Variants in RFC3 observed in about 807,000 individuals in gnomAD.
RFC3 encodes A1 38 kDa subunit.
RFC3 carries 41 observed loss-of-function variants against 45.1 expected under a neutral mutation model. The observed-to-expected ratio is 0.91, with a 90% confidence interval of 0.71 to 1.18. The LOEUF (loss-of-function observed/expected upper bound fraction) is 1.18, where lower values mean the gene tolerates loss of function less well. Ranked by LOEUF, RFC3 falls within the 50% of genes most tolerant of loss-of-function variation. The pLI, the probability that RFC3 is intolerant of heterozygous loss-of-function variation, is 0.00. For missense variants in RFC3, 423 were observed against 428.1 expected, an observed-to-expected ratio of 0.99 and a Z score of 0.10; for synonymous variants, 149 against 144.0, an observed-to-expected ratio of 1.03 and a Z score of -0.25.
intron 8 of RFC3, among the ~76,000 whole-genome samples, chr13:33,871,045 T>C (rs1324927045): frequency 2.0e-5 from 3 of 152,172 alleles, no homozygotes; most frequent in Non-Finnish European, 4.4e-5. Flanking sequence ...CCCTCTGGTA[T>C]ATGGTAAATC....
At chr13:33,925,875 A>G (rs1241898615) in intron 8 of RFC3, among the ~76,000 whole-genome samples, 2 of 151,998 alleles carry the variant, frequency 1.3e-5, no homozygotes, top group Non-Finnish European at 2.9e-5. Flanking sequence ...ACATTGTTGT[A>G]TCAATATCAA....
chr13:33,976,716 A>G, the RFC3 span, among the ~76,000 whole-genome samples: 2 of 152,298 alleles, frequency 1.3e-5, no homozygotes, highest in Admixed American at 6.5e-5. Flanking sequence ...AAATAAGGTT[A>G]GAAAAATAAA....
At chr13:33,881,804 C>T (rs575902099) in intron 8 of RFC3, among the ~76,000 whole-genome samples, 4 of 152,242 alleles carry the variant, frequency 2.6e-5, no homozygotes, top group Admixed American at 2.0e-4. Flanking sequence ...TGTTTACCTC[C>T]TGACCTTGAA....
chr13:33,938,553 C>G (rs2082903072), intron 8 of RFC3, among the ~76,000 whole-genome samples: 1 of 152,074 alleles, frequency 6.6e-6, no homozygotes, highest in African/African-American at 2.4e-5. Flanking sequence ...GAAACTTATA[C>G]AAGTGGAATC....
chr13:33,955,614 A>G (rs1480726713), intron 8 of RFC3, among the ~76,000 whole-genome samples: 1 of 152,216 alleles, frequency 6.6e-6, no homozygotes, highest in Non-Finnish European at 1.5e-5. Flanking sequence ...AGTGTTGTCC[A>G]GTAAGTTTTA....
Position 33,932,254 on chromosome 13 carries a change from A to G in RFC3, c.880-33833A>G, listed in dbSNP as rs565799666. 9.2e-5 allele frequency among the ~76,000 whole-genome samples: 14 copies of G among 152,220 alleles called. No individual in the cohort carries two copies. The East Asian group carries it at 2.5e-3, about 27-fold the overall frequency. ...CATTTTAATCTGCTGTAGAGAAATT[A>G]TTCCTTAATGCCATTAAAAAAGTTA... On this transcript the variant is annotated intron_variant, in intron 8 of 8. Transcript: ENST00000434425.
chr13:33,974,553 T>C, the RFC3 span, among the ~76,000 whole-genome samples: 1 of 152,216 alleles, frequency 6.6e-6, no homozygotes. Context: ...TTGCTAACTT[T>C]ACAAAATGAG....
At chr13:33,847,651 A>G (rs2082247929) in intron 8 of RFC3, 1 of 151,198 alleles carries the variant, frequency 6.6e-6, no homozygotes. Flanking sequence ...CTCTTTACAC[A>G]TTTTTTAAGT....
At chr13:33,963,459 A>G (rs2083069571) in intron 8 of RFC3, among the ~76,000 whole-genome samples, 1 of 152,262 alleles carries the variant, frequency 6.6e-6, no homozygotes, top group South Asian at 2.1e-4. Context: ...AAACAGTAAG[A>G]TACTGTAGTT....
intron 8 of RFC3, among the ~76,000 whole-genome samples, chr13:33,944,319 A>C (rs2082942264): frequency 6.6e-6 from 1 of 152,228 alleles, no homozygotes; most frequent in Non-Finnish European, 1.5e-5. Context: ...ATATTGAACA[A>C]AGTGAGCAGC....
At chr13:33,956,873 C>T (rs77833981) in intron 8 of RFC3, among the ~76,000 whole-genome samples, 2,814 of 152,248 alleles carry the variant, frequency 0.018, 70 homozygotes, top group African/African-American at 0.06. Context: ...TAATCTTGTA[C>T]ATCTCTCTTT....
At chr13:33,974,905 T>C in the RFC3 span, among the ~76,000 whole-genome samples, 3 of 152,202 alleles carry the variant, frequency 2.0e-5, no homozygotes, top group Non-Finnish European at 4.4e-5. Flanking sequence ...TACTAACTGA[T>C]GGCAATGATG....
chr13:33,885,942 G>T (rs565736332), intron 8 of RFC3, among the ~76,000 whole-genome samples: 1 of 151,986 alleles, frequency 6.6e-6, no homozygotes, highest in South Asian at 2.1e-4. Flanking sequence ...ACTAGTGATG[G>T]TCATATGATA....
chr13:33,864,463 G>C (rs771789848), intron 8 of RFC3, among the ~76,000 whole-genome samples: 3 of 152,088 alleles, frequency 2.0e-5, no homozygotes, highest in African/African-American at 7.2e-5. Flanking sequence ...TTTTTAGTTA[G>C]TTCAGCTGAG....
chr13:33,966,428 C>T (rs145944862), exon 9 of RFC3: 3 of 405,078 alleles, frequency 7.4e-6, no homozygotes, highest in Non-Finnish European at 9.0e-6. Flanking sequence ...TGAATGGGGA[C>T]CATGGAAGTT....
rs754312759 is a variant in RFC3, at chr13:33,818,162, C to A, written c.-17C>A. On this transcript the variant is annotated 5_prime_UTR_variant, in exon 1 of 9. Transcript: ENST00000380071. ...CGCGGGATTTTCAAGCGTAGGCCCC[C>A]GGGAACTCGAGCTGCCATGAGCCTC... The A allele has an allele frequency of 6.2e-7, 1 of 1,607,740 alleles. No individual in the cohort carries two copies. Among genetic ancestry groups the A allele is most frequent in the Non-Finnish European group, 8.5e-7 (1 of 1,176,118 alleles).
At chr13:33,950,280 CTG>C (rs1264869483) in intron 8 of RFC3, among the ~76,000 whole-genome samples, 1 of 152,090 alleles carries the variant, frequency 6.6e-6, no homozygotes, top group African/African-American at 2.4e-5. Flanking sequence ...TTTACTGTAA[CTG>C]TGTAGCAGTA....
At chr13:33,918,636 A>G (rs2082748156) in intron 8 of RFC3, among the ~76,000 whole-genome samples, 2 of 152,150 alleles carry the variant, frequency 1.3e-5, no homozygotes, top group South Asian at 4.1e-4. Flanking sequence ...AGAAACCTCA[A>G]ATAATAGCAC....
At position 33,831,321 on chromosome 13, in the gene RFC3, C is replaced by T. The variant is rs1365306146; in HGVS notation, c.776C>T (p.Ala259Val). 2.5e-6 allele frequency: 4 copies of T among 1,608,832 alleles called. No individual in the cohort carries two copies. Among genetic ancestry groups the T allele is most frequent in the Non-Finnish European group, 3.4e-6 (4 of 1,175,188 alleles). ...TDWEVYLRETANAIVSQQTPQ... is the reference protein window; with the variant it reads ...TDWEVYLRETVNAIVSQQTPQ... ...TGGGAGGTGTATCTGAGGGAGACTG[C>T]AAATGCTATTGTCAGTCAGCAAACT... Residue 259 changes from alanine to valine, a missense_variant, in exon 7 of 9, where the codon GCA becomes GTA. Transcript: ENST00000380071.
Sources: gnomAD v4.1 joint callset for allele counts (sites outside exome capture counted in the v4.1 genomes callset) on GRCh38, gnomAD v4.1.1 for gene constraint, MANE v1.5 for transcripts, NCBI Gene and HGNC (gene_info 2026-07-23, HGNC 2026-07-21) for gene names.